The following NCOA2 variants were observed in gnomAD, a reference collection of about 807,000 sequenced individuals.
NCOA2 encodes class E basic helix-loop-helix protein 75.
A neutral mutation model predicts 145.1 loss-of-function variants in NCOA2; 21 were observed. The observed-to-expected ratio is 0.14, with a 90% CI of 0.10 to 0.21. The LOEUF (loss-of-function observed/expected upper bound fraction) is 0.21. Ranked by LOEUF, NCOA2 falls within the 10% of genes least tolerant of loss-of-function variation. The pLI is 1.00. For synonymous variants in NCOA2, 619 were observed against 637.5 expected, an observed-to-expected ratio of 0.97 and a Z score of 0.44; for missense variants, 1,472 against 1,837.6, an observed-to-expected ratio of 0.80 and a Z score of 3.64.
At chr8:70,445,305 C>T in the NCOA2 span, among the ~76,000 whole-genome samples, 1 of 152,180 alleles carries the variant, frequency 6.6e-6, no homozygotes, top group Non-Finnish European at 1.5e-5. Flanking sequence ...GTAAATGCCA[C>T]GTGGGGAAAG....
At chr8:70,334,189 C>A (rs181630536) in intron 1 of NCOA2, among the ~76,000 whole-genome samples, 1 of 152,102 alleles carries the variant, frequency 6.6e-6, no homozygotes, top group African/African-American at 2.4e-5. Context: ...TTTATTTATC[C>A]AAGCTAATTT....
At chr8:70,124,985 G>A (rs1808258711) in intron 19 of NCOA2, 120 bp from the exon 20 acceptor site, 4 of 702,830 alleles carry the variant, frequency 5.7e-6, no homozygotes, top group Non-Finnish European at 8.7e-6. Flanking sequence ...TCAAATATAT[G>A]ATTGTGTACT....
the NCOA2 span, among the ~76,000 whole-genome samples, chr8:70,416,333 G>C: frequency 6.6e-6 from 1 of 151,970 alleles, no homozygotes; most frequent in Non-Finnish European, 1.5e-5. Context: ...GGGCACCACA[G>C]CCTAGACAAA....
At chr8:70,186,471 G>A (rs190573538) in intron 4 of NCOA2, among the ~76,000 whole-genome samples, 12 of 152,290 alleles carry the variant, frequency 7.9e-5, no homozygotes, top group Non-Finnish European at 1.6e-4. Context: ...CAGAGGGCAA[G>A]GTGCTGCGAG....
At chr8:70,133,673 C>CA (rs1318284265) in intron 15 of NCOA2, among the ~76,000 whole-genome samples, 1 of 151,980 alleles carries the variant, frequency 6.6e-6, no homozygotes, top group Non-Finnish European at 1.5e-5. Flanking sequence ...AAAAAACAAA[C>CA]AAAAAGTTTA....
chr8:70,376,635 T>A (rs183500122), intron 1 of NCOA2, among the ~76,000 whole-genome samples: 1 of 152,360 alleles, frequency 6.6e-6, no homozygotes, highest in Non-Finnish European at 1.5e-5. Context: ...AAATGCAACA[T>A]TATTTTAAAG....
chr8:70,351,235 A>T (rs1236452772), intron 1 of NCOA2, among the ~76,000 whole-genome samples: 2 of 152,212 alleles, frequency 1.3e-5, no homozygotes, highest in African/African-American at 4.8e-5. Context: ...ACATATACCG[A>T]CAACCTACCT....
chr8:70,407,435 G>C (rs1036382752), upstream of NCOA2, among the ~76,000 whole-genome samples: 3 of 152,076 alleles, frequency 2.0e-5, no homozygotes, highest in Non-Finnish European at 4.4e-5. Flanking sequence ...AACTGCCTTC[G>C]CTGCATATCT....
Position 70,171,248 on chromosome 8 carries a change from G to A in NCOA2, c.364-869C>T, listed in dbSNP as rs141699897. The stretch of plus-strand genomic sequence containing the variant: ...AGTGGCTGTGGAGCATGTTCACTGT[G>A]CCTTACAAGTACCTCCTGGAAGGAA... On this transcript the variant is annotated intron_variant, in intron 5 of 22. Coordinates refer to ENST00000452400, the MANE Select transcript of NCOA2 (RefSeq NM_006540.4). Among the ~76,000 whole-genome samples the A allele has an allele frequency of 2.8e-3, 420 of 152,282 alleles. 3 individuals carry two copies. Among genetic ancestry groups the A allele is most frequent in the Non-Finnish European group, 4.6e-3 (310 of 68,008 alleles).
chr8:70,183,922 C>T (rs1352540333), intron 4 of NCOA2, among the ~76,000 whole-genome samples: 1 of 152,156 alleles, frequency 6.6e-6, no homozygotes, highest in Non-Finnish European at 1.5e-5. Context: ...GTATTCACAG[C>T]TGTGAATACA....
intron 10 of NCOA2, among the ~76,000 whole-genome samples, chr8:70,159,255 T>TCC (rs1554578555): frequency 7.3e-6 from 1 of 137,598 alleles, no homozygotes; most frequent in African/African-American, 2.7e-5. Context: ...TTTTTTTTTT[T>TCC]CCCCCAAATA....
the NCOA2 span, among the ~76,000 whole-genome samples, chr8:70,440,660 AGAGG>A: frequency 6.6e-6 from 1 of 151,620 alleles, no homozygotes; most frequent in Non-Finnish European, 1.5e-5. Flanking sequence ...GAGAAAAGAA[AGAGG>A]GAGAGAGAGA....
chr8:70,185,242 G>A (rs1815928511), intron 4 of NCOA2, among the ~76,000 whole-genome samples: 1 of 152,158 alleles, frequency 6.6e-6, no homozygotes. Flanking sequence ...GCATTTGCTT[G>A]AGCAATCATG....
intron 2 of NCOA2, among the ~76,000 whole-genome samples, chr8:70,292,257 A>T (rs1281466903): frequency 6.6e-6 from 1 of 151,424 alleles, no homozygotes; most frequent in Non-Finnish European, 1.5e-5. Context: ...GGTTCAAGCG[A>T]TTCTCCCACC....
intron 13 of NCOA2, among the ~76,000 whole-genome samples, chr8:70,143,695 C>A (rs1261801441): frequency 6.6e-6 from 1 of 152,170 alleles, no homozygotes; most frequent in Non-Finnish European, 1.5e-5. Context: ...CTCTTATATT[C>A]AGTTAACTGT....
At chr8:70,423,524 A>T in the NCOA2 span, among the ~76,000 whole-genome samples, 3 of 152,126 alleles carry the variant, frequency 2.0e-5, no homozygotes, top group Non-Finnish European at 4.4e-5. Context: ...AGATCATAAG[A>T]TGAAAATTTT....
At chr8:70,363,599 T>C (rs1810412008) in intron 1 of NCOA2, among the ~76,000 whole-genome samples, 1 of 152,080 alleles carries the variant, frequency 6.6e-6, no homozygotes, top group African/African-American at 2.4e-5. Flanking sequence ...TGAAATACTA[T>C]CAGCAATAAA....
chr8:70,151,871 T>C (rs1811793299), intron 11 of NCOA2, among the ~76,000 whole-genome samples: 1 of 152,128 alleles, frequency 6.6e-6, no homozygotes, highest in Non-Finnish European at 1.5e-5. Context: ...AGGTTAACAG[T>C]AACATTTGAT....
intron 4 of NCOA2, among the ~76,000 whole-genome samples, chr8:70,177,722 A>G (rs1430249899): frequency 1.3e-5 from 2 of 152,134 alleles, no homozygotes; most frequent in African/African-American, 2.4e-5. Flanking sequence ...TCCAAGTCCT[A>G]TTTTATTCTT....
Sources: allele counts gnomAD v4.1 joint callset (sites outside exome capture counted in the v4.1 genomes callset), GRCh38; gene constraint gnomAD v4.1.1; transcripts MANE v1.5; gene names NCBI Gene and HGNC (gene_info 2026-07-23, HGNC 2026-07-21).